The following DNM3 variants were observed in gnomAD, a reference collection of about 807,000 sequenced individuals.
DNM3 encodes dynamin 3.
A neutral mutation model predicts 101.6 loss-of-function variants in DNM3; 47 were observed. The ratio of observed to expected loss-of-function variants is 0.46; its 90% CI spans 0.37 to 0.59. The LOEUF is 0.59. DNM3 is among the 20% of genes least tolerant of loss of function. DNM3 has a pLI of 0.00. For missense variants in DNM3, 849 were observed against 1,085.7 expected, an observed-to-expected ratio of 0.78 and a Z score of 3.06; for synonymous variants, 385 against 387.9, an observed-to-expected ratio of 0.99 and a Z score of 0.09.
intron 14 of DNM3, among the ~76,000 whole-genome samples, chr1:172,235,612 T>C (rs1217244969): frequency 6.6e-6 from 1 of 152,118 alleles, no homozygotes; most frequent in African/African-American, 2.4e-5. Flanking sequence ...CCAACGATGA[T>C]AGACTGGATT....
At chr1:172,027,376 A>C (rs1452116139) in intron 4 of DNM3, among the ~76,000 whole-genome samples, 4 of 152,090 alleles carry the variant, frequency 2.6e-5, no homozygotes, top group Non-Finnish European at 4.4e-5. Flanking sequence ...CGAGGTCAGG[A>C]GTTCGAGACC....
At chr1:172,369,292 T>G in intron 17 of DNM3, among the ~76,000 whole-genome samples, 1 of 151,970 alleles carries the variant, frequency 6.6e-6, no homozygotes, top group East Asian at 1.9e-4. Flanking sequence ...AAGTGGGATT[T>G]ATCTCAAGGA....
At chr1:172,338,118 T>C (rs1302390739) in intron 17 of DNM3, among the ~76,000 whole-genome samples, 1 of 151,838 alleles carries the variant, frequency 6.6e-6, no homozygotes, top group Non-Finnish European at 1.5e-5. Flanking sequence ...GGTTTCATCA[T>C]GTTGGCCAGG....
At chr1:171,898,696 A>G (rs1016117526) in intron 1 of DNM3, among the ~76,000 whole-genome samples, 5 of 77,676 alleles carry the variant, frequency 6.4e-5, no homozygotes, top group African/African-American at 2.4e-4. Context: ...GTATATACAT[A>G]TATATATATA....
At chr1:172,022,686 T>C (rs1382547687) in intron 4 of DNM3, among the ~76,000 whole-genome samples, 4 of 152,054 alleles carry the variant, frequency 2.6e-5, no homozygotes, top group African/African-American at 4.8e-5. Flanking sequence ...CACTTACAAT[T>C]CTTTTAGCTA....
At chr1:171,872,488 T>C (rs528520034) in intron 1 of DNM3, among the ~76,000 whole-genome samples, 2 of 152,330 alleles carry the variant, frequency 1.3e-5, no homozygotes, top group South Asian at 2.1e-4. Flanking sequence ...ATTTTCAAAA[T>C]AATGTACGTA....
intron 16 of DNM3, chr1:172,311,206 G>A (rs2065064220): frequency 6.6e-6 from 1 of 151,982 alleles, no homozygotes; most frequent in Non-Finnish European, 1.5e-5. Flanking sequence ...TTAACAGCTA[G>A]GGGAAGGTTG....
At chr1:172,234,031 T>C (rs2148620196) in intron 14 of DNM3, among the ~76,000 whole-genome samples, 1 of 152,274 alleles carries the variant, frequency 6.6e-6, no homozygotes, top group Middle Eastern at 3.4e-3. Context: ...GTGTTGGAAG[T>C]TCTGGCCAGG....
chr1:172,071,292 G>A (rs116419904), intron 11 of DNM3, among the ~76,000 whole-genome samples: 1,773 of 151,756 alleles, frequency 0.012, 48 homozygotes, highest in African/African-American at 0.041. Flanking sequence ...GGATGGAGCA[G>A]GCATCTCCCT....
intron 10 of DNM3, among the ~76,000 whole-genome samples, chr1:172,062,197 G>T (rs1204318373): frequency 6.6e-6 from 1 of 152,036 alleles, no homozygotes; most frequent in Non-Finnish European, 1.5e-5. Context: ...CATTTTAACT[G>T]CTCATTAATA....
At chr1:172,239,279 G>A (rs1367380377) in intron 14 of DNM3, among the ~76,000 whole-genome samples, 1 of 152,180 alleles carries the variant, frequency 6.6e-6, no homozygotes, top group Non-Finnish European at 1.5e-5. Flanking sequence ...CAGTTCAAAA[G>A]CTTACAAGTA....
chr1:171,981,364 A>AT (rs1052418666), intron 2 of DNM3, among the ~76,000 whole-genome samples: 5 of 152,208 alleles, frequency 3.3e-5, no homozygotes, highest in African/African-American at 9.7e-5. Flanking sequence ...ACAAGAGATC[A>AT]TTTTTTCCTA....
chr1:172,177,414 A>C (rs895142121), intron 14 of DNM3, among the ~76,000 whole-genome samples: 2 of 151,914 alleles, frequency 1.3e-5, no homozygotes, highest in Admixed American at 1.3e-4. Flanking sequence ...GGGAAAAAAG[A>C]CATGGTATAT....
At chr1:171,879,910 C>T (rs1233512872) in intron 1 of DNM3, among the ~76,000 whole-genome samples, 2 of 152,236 alleles carry the variant, frequency 1.3e-5, no homozygotes, top group South Asian at 2.1e-4. Flanking sequence ...TCTTCTCTTC[C>T]GCTTAACTCT....
chr1:172,149,975 A>G (rs780410247), intron 14 of DNM3, among the ~76,000 whole-genome samples: 4 of 152,134 alleles, frequency 2.6e-5, no homozygotes, highest in Non-Finnish European at 5.9e-5. Context: ...TAGAAGCTCT[A>G]AGTCTTTAAG....
At chr1:171,971,595 A>G (rs1166406640) in intron 2 of DNM3, among the ~76,000 whole-genome samples, 1 of 152,138 alleles carries the variant, frequency 6.6e-6, no homozygotes, top group Non-Finnish European at 1.5e-5. Flanking sequence ...GCCACTCCCA[A>G]TTGAAAGGAT....
intron 1 of DNM3, among the ~76,000 whole-genome samples, chr1:171,858,684 G>T (rs2125031626): frequency 6.6e-6 from 1 of 152,220 alleles, no homozygotes; most frequent in South Asian, 2.1e-4. Flanking sequence ...TCATGCTCCT[G>T]ATAAGCAGCC....
Position 172,038,425 on chromosome 1 carries a change from C to A in DNM3, c.956C>A (p.Pro319Gln), listed in dbSNP as rs552393073. The change falls in exon 7 of 21, where the codon CCA becomes CAA. Residue 319 changes from proline to glutamine, a missense_variant. Around this residue, in one of 5 missense-constraint regions of DNM3, gnomAD observed 388 missense variants for 483.0 expected, o/e 0.80. Transcript: ENST00000627582. ...GTAGAAGCCTACAAAAATTTCAAAC[C>A]AGAAGACCCAACAAGGAAGACCAAA... The part of the protein sequence containing the change: ...HEVEAYKNFK[P>Q]EDPTRKTKAL... 920 of 1,613,290 alleles carry A rather than the reference C, an allele frequency of 5.7e-4. 9 individuals are homozygous for A. The South Asian group carries it at 9.1e-3, about 16-fold the overall frequency.
intron 2 of DNM3, among the ~76,000 whole-genome samples, chr1:171,929,754 G>T (rs2040854962): frequency 6.6e-6 from 1 of 152,066 alleles, no homozygotes; most frequent in South Asian, 2.1e-4. Flanking sequence ...AACACCAGCT[G>T]AGGTGGCAGA....
Sources: allele counts gnomAD v4.1 joint callset (sites outside exome capture counted in the v4.1 genomes callset), GRCh38; gene constraint gnomAD v4.1.1; regional missense constraint gnomAD v4.1.1; transcripts MANE v1.5; gene names NCBI Gene and HGNC (gene_info 2026-07-23, HGNC 2026-07-21).